Variants in VPS13B observed in about 807,000 individuals in gnomAD.
VPS13B encodes intermembrane lipid transfer protein VPS13B.
Under a neutral mutation model 426.4 loss-of-function variants are expected in VPS13B, and 285 were observed. The ratio of observed to expected loss-of-function variants is 0.67; its 90% CI spans 0.61 to 0.74. The LOEUF is 0.74. Ranked by LOEUF, VPS13B falls within the 30% of genes least tolerant of loss-of-function variation. VPS13B has a pLI of 0.00. For synonymous variants in VPS13B, 1,676 were observed against 1,676.4 expected (o/e 1.00, Z 0.01); for missense variants, 4,537 against 4,782.6 (o/e 0.95, Z 1.51).
At chr8:99,344,336 A>G (rs183696626) in intron 19 of VPS13B, among the ~76,000 whole-genome samples, 158 of 152,346 alleles carry the variant, frequency 1.0e-3, no homozygotes, top group African/African-American at 3.5e-3. Context: ...ATAAAACCTG[A>G]AACTGTAGAA....
At chr8:99,551,960 G>C (rs1824304533) in intron 30 of VPS13B, among the ~76,000 whole-genome samples, 1 of 151,646 alleles carries the variant, frequency 6.6e-6, no homozygotes, top group Non-Finnish European at 1.5e-5. Flanking sequence ...TTCAAATATT[G>C]CCTCCTCCTT....
chr8:99,563,590 G>C (rs1418906897), intron 31 of VPS13B, among the ~76,000 whole-genome samples: 1 of 152,182 alleles, frequency 6.6e-6, no homozygotes, highest in Non-Finnish European at 1.5e-5. Context: ...GTTTCACAGA[G>C]TGCATGGCTT....
At chr8:99,093,421 C>T (rs1846256444) in intron 3 of VPS13B, among the ~76,000 whole-genome samples, 1 of 151,336 alleles carries the variant, frequency 6.6e-6, no homozygotes, top group Admixed American at 6.6e-5. Context: ...GGTACATGTG[C>T]ACAATGTGCA....
intron 3 of VPS13B, among the ~76,000 whole-genome samples, chr8:99,086,872 G>A (rs1477239055): frequency 6.6e-6 from 1 of 152,176 alleles, no homozygotes; most frequent in Non-Finnish European, 1.5e-5. Context: ...CCCCTGCTGG[G>A]GGGTGCCTCC....
At chr8:99,703,609 G>A (rs1415992027) in intron 36 of VPS13B, among the ~76,000 whole-genome samples, 1 of 152,000 alleles carries the variant, frequency 6.6e-6, no homozygotes, top group Admixed American at 6.6e-5. Context: ...CCATTCTATA[G>A]TATTTTCTGA....
intron 35 of VPS13B, among the ~76,000 whole-genome samples, chr8:99,688,052 C>G (rs1831492094): frequency 6.6e-6 from 1 of 150,852 alleles, no homozygotes; most frequent in Non-Finnish European, 1.5e-5. Flanking sequence ...AGTGATATAA[C>G]AGCATGGGTT....
Position 99,710,660 on chromosome 8 carries a change from C to A in VPS13B, c.6455-6511C>A. Among the ~76,000 whole-genome samples the A allele has an allele frequency of 2.0e-5, 3 of 151,954 alleles. No individual in the cohort carries two copies. The South Asian group carries it at 6.2e-4, about 32-fold the overall frequency. On this transcript the variant is annotated intron_variant, in intron 36 of 61. Coordinates refer to ENST00000357162, the MANE Select transcript of VPS13B (RefSeq NM_152564.5). ...TTGGTTTACTATCCTGTAAGTGACC[C>A]TTTGTGAAATTCATCACCACCCTTT... is the stretch of plus-strand genomic sequence containing the variant.
At chr8:99,188,930 T>A (rs962538619) in intron 16 of VPS13B, among the ~76,000 whole-genome samples, 9 of 152,192 alleles carry the variant, frequency 5.9e-5, no homozygotes, top group Admixed American at 1.3e-4. Context: ...ATCTTGTTCT[T>A]GTTGAATTAT....
chr8:99,227,998 T>C (rs979639165), intron 17 of VPS13B, among the ~76,000 whole-genome samples: 2 of 152,206 alleles, frequency 1.3e-5, no homozygotes, highest in African/African-American at 4.8e-5. Flanking sequence ...CCATTTTCTC[T>C]CTTGGACTCA....
chr8:99,330,958 T>C (rs1810511931), intron 19 of VPS13B, among the ~76,000 whole-genome samples: 1 of 151,858 alleles, frequency 6.6e-6, no homozygotes, highest in South Asian at 2.1e-4. Context: ...GAAAATTCCT[T>C]GTATTCCTGG....
At chr8:99,489,630 G>C (rs1265466782) in intron 25 of VPS13B, among the ~76,000 whole-genome samples, 1 of 152,132 alleles carries the variant, frequency 6.6e-6, no homozygotes, top group Non-Finnish European at 1.5e-5. Context: ...TCCCTTGTAA[G>C]TTGAATTCCT....
At chr8:99,423,920 T>C (rs1056258711) in intron 21 of VPS13B, among the ~76,000 whole-genome samples, 5 of 152,168 alleles carry the variant, frequency 3.3e-5, no homozygotes, top group African/African-American at 4.8e-5. Flanking sequence ...AGATGTTTAT[T>C]AGGTCCGCTT....
At chr8:99,177,829 C>CT (rs1284600520) in intron 16 of VPS13B, among the ~76,000 whole-genome samples, 1 of 152,166 alleles carries the variant, frequency 6.6e-6, no homozygotes, top group Non-Finnish European at 1.5e-5. Flanking sequence ...TGACCTATAT[C>CT]TATGTCAGAA....
In VPS13B at chr8:99,818,741, G is replaced by A. The variant is rs751906148; in HGVS notation, c.8474G>A (p.Arg2825Lys). 2.5e-5 allele frequency: 40 copies of A among 1,613,754 alleles called. No individual in the cohort carries two copies. The highest frequency in any genetic ancestry group is 1.9e-4 in the South Asian group (17 of 91,062). The stretch of plus-strand genomic sequence containing the variant: ...GTGTTCAGCCCTCTTTTTATCATGA[G>A]GAGTCATCTTCCAGACCCCATTATC... ...MIVFSPLFIMRSHLPDPIIIH... is the reference protein window; with the variant it reads ...MIVFSPLFIMKSHLPDPIIIH... Residue 2825 changes from arginine (R) to lysine (K), a missense_variant, in exon 47 of 62, where the codon AGG (arginine) becomes AAG (lysine). Coordinates refer to ENST00000357162, the MANE Select transcript of VPS13B (RefSeq NM_152564.5).
At position 99,818,693 on chromosome 8, in the gene VPS13B, C is replaced by A. The variant is rs777528129; in HGVS notation, c.8446-20C>A. 6.2e-6 allele frequency: 10 copies of A among 1,613,094 alleles called. No homozygotes were observed. The African/African-American group carries it at 1.2e-4, about 19-fold the overall frequency. ...CAACAAAGCAAATATGAAAGTTGTT[C>A]TATCCTTTTATTTTTATAGATTGTG... On this transcript the variant is annotated intron_variant, in intron 46 of 61. Coordinates refer to ENST00000357162, the MANE Select transcript of VPS13B (RefSeq NM_152564.5).
chr8:99,048,604 C>T (rs1000375415), intron 3 of VPS13B, among the ~76,000 whole-genome samples: 8 of 151,912 alleles, frequency 5.3e-5, no homozygotes, highest in African/African-American at 1.9e-4. Flanking sequence ...TACCAGTGGT[C>T]GGGAGTTTGA....
rs374755106 is a variant in VPS13B, at chr8:99,784,480, T to C, written c.7941+4T>C. The C allele has an allele frequency of 3.1e-6, 5 of 1,613,406 alleles. No individual in the cohort carries two copies. In the African/African-American group the frequency reaches 6.7e-5, roughly 22 times the overall value. On this transcript the variant is annotated splice_donor_region_variant and intron_variant, in intron 43 of 61. Coordinates refer to ENST00000357162, the MANE Select transcript of VPS13B (RefSeq NM_152564.5). ...GCGCTCTCACAAATCCCCACAGGTATTTGAGAAACACCCTTACAAACAGCC... is the reference window on the plus strand; with the variant it reads ...GCGCTCTCACAAATCCCCACAGGTACTTGAGAAACACCCTTACAAACAGCC...
chr8:99,534,888 CATA>C (rs1823118783), intron 30 of VPS13B, among the ~76,000 whole-genome samples: 1 of 152,140 alleles, frequency 6.6e-6, no homozygotes, highest in South Asian at 2.1e-4. Context: ...TGCACATCAT[CATA>C]AAAGGCTTGA....
intron 15 of VPS13B, among the ~76,000 whole-genome samples, chr8:99,166,866 A>G (rs1812035237): frequency 6.6e-6 from 1 of 152,242 alleles, no homozygotes; most frequent in African/African-American, 2.4e-5. Context: ...ACACAGACAT[A>G]TAGACCCGTA....
Sources: allele counts gnomAD v4.1 joint callset (sites outside exome capture counted in the v4.1 genomes callset), GRCh38; gene constraint gnomAD v4.1.1; transcripts MANE v1.5; gene names NCBI Gene and HGNC (gene_info 2026-07-23, HGNC 2026-07-21).